CD101: variants seen among roughly 807,000 people sequenced by gnomAD.
The protein encoded by CD101 is immunoglobulin superfamily member 2.
A neutral mutation model predicts 98.2 loss-of-function variants in CD101; 76 were observed. The ratio of observed to expected loss-of-function variants is 0.77; its 90% CI spans 0.64 to 0.94. The LOEUF is 0.94. Ranked by LOEUF, CD101 falls within the 40% of genes least tolerant of loss-of-function variation. The pLI, the probability that CD101 is intolerant of heterozygous loss-of-function variation, is 0.00. For missense variants in CD101, 1,145 were observed against 1,218.8 expected (o/e 0.94, Z 0.90); for synonymous variants, 471 against 472.7 (o/e 1.00, Z 0.05).
At position 117,018,305 on chromosome 1, in the gene CD101, A is replaced by G. The variant is rs200268262; in HGVS notation, c.1762A>G (p.Ile588Val). The G allele has an allele frequency of 1.5e-4, 250 of 1,614,048 alleles. 1 individual carries two copies. The highest frequency in any genetic ancestry group is 6.6e-4 in the Middle Eastern group (4 of 6,084). ...TWQFQPASSHIFHQLIRITHN... is the reference protein window; with the variant it reads ...TWQFQPASSHVFHQLIRITHN... ...GCAGTTCCAGCCAGCTAGCTCTCAC[A>G]TCTTCCACCAGCTTATTCGAATCAC... is the stretch of plus-strand genomic sequence containing the variant. Residue 588 changes from isoleucine to valine, a missense_variant, in exon 6 of 10, where the codon ATC becomes GTC. Ile to Val is a conservative substitution (Grantham distance 29). Transcript: ENST00000682167. This position sits in a 1 kb window ranked among gnomAD's most constrained non-coding sequence, Gnocchi z 4.3.
At position 117,010,085 on chromosome 1, in the gene CD101, C is replaced by T. The variant is rs139310374; in HGVS notation, c.279C>T (p.Asp93=). 2.0e-5 allele frequency: 32 copies of T among 1,614,190 alleles called. No individual in the cohort carries two copies. In the African/African-American group the frequency reaches 3.1e-4, roughly 15 times the overall value. ...AVYTQRVRSG[D]VYVERVQGNS... ...ATACGCAGCGGGTGCGAAGCGGAGA[C>T]GTCTACGTGGAGAGGGTCCAGGGCA... The change falls in exon 2 of 10, where the codon GAC becomes GAT. Residue 93 remains aspartate, a synonymous_variant. Transcript: ENST00000682167. The surrounding 1 kb of genome is among the most constrained non-coding windows in gnomAD (Gnocchi z 5.2).
intron 4 of CD101, 104 bp downstream of exon 4, chr1:117,013,896 GT>G (rs1049781723): frequency 3.4e-5 from 43 of 1,282,008 alleles, no homozygotes; most frequent in Non-Finnish European, 4.4e-5. Flanking sequence ...TGAAGAGCAG[GT>G]TTCAATCAGA....
In CD101 at chr1:117,001,825, G is replaced by A. The variant is rs779243846; in HGVS notation, c.8G>A (p.Gly3Asp). 65 of 1,613,934 alleles carry A rather than the reference G, an allele frequency of 4.0e-5. No homozygotes were observed. The highest frequency in any genetic ancestry group is 5.5e-5 in the Non-Finnish European group (65 of 1,179,962). Reference protein sequence around the residue: MAGISYVASFFLL... With the variant: MADISYVASFFLL... ...AGGACTGTGCTGGCCCAAATGGCAG[G>A]CATCTCATATGTGGCATCTTTCTTT... The change falls in exon 1 of 10, where the codon GGC (glycine) becomes GAC (aspartate). Residue 3 changes from glycine to aspartate, a missense_variant. By Grantham distance (94) the Gly-to-Asp change is moderately conservative. Coordinates refer to ENST00000682167, the MANE Select transcript of CD101 (RefSeq NM_001256106.3).
At chr1:117,031,277 C>G (rs1179331765) in intron 8 of CD101, among the ~76,000 whole-genome samples, 1 of 152,222 alleles carries the variant, frequency 6.6e-6, no homozygotes, top group Non-Finnish European at 1.5e-5. Flanking sequence ...GCCAAGCCCT[C>G]TGGCTGTTCC....
At chr1:117,030,447 A>G (rs1303686188) in intron 8 of CD101, among the ~76,000 whole-genome samples, 2 of 151,604 alleles carry the variant, frequency 1.3e-5, no homozygotes, top group Non-Finnish European at 2.9e-5. Flanking sequence ...AAGAAAGAGA[A>G]AGAAAGAAAA....
chr1:117,033,878 G>T lies in CD101; in HGVS notation c.2843G>T (p.Arg948Met), dbSNP rs780559353. 1.9e-6 allele frequency: 3 copies of T among 1,614,160 alleles called. No individual in the cohort carries two copies. Among genetic ancestry groups the T allele is most frequent in the South Asian group, 2.2e-5 (2 of 91,080 alleles). The change falls in exon 9 of 10, where the codon AGG (arginine) becomes ATG (methionine). Residue 948 changes from arginine to methionine, a missense_variant. Physicochemically the swap from Arg to Met is moderately conservative, Grantham distance 91 (BLOSUM62 -1). Transcript: ENST00000682167. This position sits in a 1 kb window ranked among gnomAD's most constrained non-coding sequence, Gnocchi z 4.8. ...GTTGCAGAGCCCACGCTTCCTTCCA[G>T]GATCTGCTCCTCGGCCCCTTTACTC... ...VLPSEPTLPS[R>M]ICSSAPLLYF...
At chr1:117,032,489 G>C (rs1654523274) in intron 8 of CD101, 1 of 152,230 alleles carries the variant, frequency 6.6e-6, no homozygotes, top group Non-Finnish European at 1.5e-5. Context: ...CGTCGGCAAT[G>C]CCAAAAATGG....
At position 117,010,074 on chromosome 1, in the gene CD101, C is replaced by A. The variant is rs148124881; in HGVS notation, c.268C>A (p.Arg90=). Residue 90 remains arginine, a synonymous_variant, in exon 2 of 10, where the codon CGA becomes AGA. Transcript: ENST00000682167. This position sits in a 1 kb window ranked among gnomAD's most constrained non-coding sequence, Gnocchi z 5.2. ...TTACGCAGTATATACGCAGCGGGTG[C>A]GAAGCGGAGACGTCTACGTGGAGAG... The part of the protein sequence containing the change: ...FSYAVYTQRV[R]SGDVYVERVQ... The A allele has an allele frequency of 4.3e-6, 7 of 1,614,164 alleles. No homozygotes were observed. The highest frequency in any genetic ancestry group is 1.3e-5 in the African/African-American group (1 of 75,040).
chr1:117,029,217 G>GA (rs1553188342), intron 8 of CD101, among the ~76,000 whole-genome samples: 4 of 21,660 alleles, frequency 1.8e-4, no homozygotes, highest in South Asian at 3.4e-3. Flanking sequence ...AGAAAGAAAA[G>GA]AAAGAAAGAA....
At chr1:117,035,006 G>A (rs1408195235) in intron 9 of CD101, among the ~76,000 whole-genome samples, 1 of 152,154 alleles carries the variant, frequency 6.6e-6, no homozygotes. Context: ...TCCCTCATAC[G>A]CCTGCAGGGC....
rs772130268 is a variant in CD101, at chr1:117,022,616, A to T, written c.2428+633A>T. ...GTTAGGTCACTTCCAGTGTTGATTA[A>T]AATTAAATGAATGTCACAGCCAAGG... On this transcript the variant is annotated intron_variant, in intron 7 of 9. Coordinates refer to ENST00000682167, the MANE Select transcript of CD101 (RefSeq NM_001256106.3). This position sits in a 1 kb window ranked among gnomAD's most constrained non-coding sequence, Gnocchi z 4.8. Among the ~76,000 whole-genome samples the T allele has an allele frequency of 2.0e-5, 3 of 152,176 alleles. No individual in the cohort carries two copies. Among genetic ancestry groups the T allele is most frequent in the African/African-American group, 7.2e-5 (3 of 41,446 alleles).
chr1:117,017,441 C>T lies in CD101; in HGVS notation c.1580C>T (p.Thr527Ile), dbSNP rs368083007. 1 of 1,612,678 alleles carries T rather than the reference C, an allele frequency of 6.2e-7. No homozygotes were observed. Among genetic ancestry groups the T allele is most frequent in the African/African-American group, 1.3e-5 (1 of 74,894 alleles). The change falls in exon 5 of 10, where the codon ACT becomes ATT. Residue 527 changes from threonine to isoleucine, a missense_variant. Physicochemically the swap from Thr to Ile is moderately conservative, Grantham distance 89. Coordinates refer to ENST00000682167, the MANE Select transcript of CD101 (RefSeq NM_001256106.3). ...SRNQARDLSW[T>I]QKISVTVKSL... Reference sequence around the variant, plus strand: ...AACCAGGCCAGAGATCTGAGCTGGACTCAGAAGATTTCAGTTACTGTAAAG... The same window carrying T: ...AACCAGGCCAGAGATCTGAGCTGGATTCAGAAGATTTCAGTTACTGTAAAG...
intron 3 of CD101, 140 bp from the exon 4 acceptor site, chr1:117,013,266 T>C (rs917252873): frequency 1.9e-5 from 20 of 1,035,114 alleles, no homozygotes; most frequent in Middle Eastern, 2.9e-4. Flanking sequence ...TTTTTTTGGG[T>C]TTACCTACCG....
At chr1:117,014,680 T>A (rs571826085) in intron 4 of CD101, among the ~76,000 whole-genome samples, 9 of 151,956 alleles carry the variant, frequency 5.9e-5, no homozygotes, top group South Asian at 4.2e-4. Flanking sequence ...CCAAAAAAAA[T>A]TTTTTTTAAT....
chr1:117,026,585 A>C (rs540148167), intron 8 of CD101: 2 of 152,334 alleles, frequency 1.3e-5, no homozygotes, highest in East Asian at 3.9e-4. Flanking sequence ...CACATTCCGT[A>C]CATGTTTTCC....
At position 117,033,692 on chromosome 1, in the gene CD101, C is replaced by T. The variant is rs1654608801; in HGVS notation, c.2825-168C>T. On this transcript the variant is annotated intron_variant, in intron 8 of 9. Transcript: ENST00000682167. The surrounding 1 kb of genome is among the most constrained non-coding windows in gnomAD (Gnocchi z 4.8). ...AGAGCCTGTTCCAGGAGCTCTCTTC[C>T]CCCAGTGCTCTGTCCTGTGCTCCTC... Among the ~76,000 whole-genome samples, 2 of 152,132 alleles carry T rather than the reference C, an allele frequency of 1.3e-5. No homozygotes were observed. Among genetic ancestry groups the T allele is most frequent in the South Asian group, 4.1e-4 (2 of 4,828 alleles).
chr1:117,009,798 G>A (rs1652765757), intron 1 of CD101, 52 bp from the exon 2 acceptor site: 1 of 1,532,812 alleles, frequency 6.5e-7, no homozygotes, highest in African/African-American at 1.4e-5. Context: ...GGTACACTGG[G>A]AACTGGAACA....
At chr1:117,025,182 G>A (rs1350837189) in intron 7 of CD101, among the ~76,000 whole-genome samples, 2 of 152,150 alleles carry the variant, frequency 1.3e-5, no homozygotes, top group East Asian at 1.9e-4. Context: ...GGCCAACATG[G>A]TGAAACCCCG....
rs368181661 is a variant in CD101, at chr1:117,018,469, A to G, written c.1926A>G (p.Val642=). 6.2e-7 allele frequency: 1 copy of G among 1,614,218 alleles called. No individual in the cohort carries two copies. The highest frequency in any genetic ancestry group is 8.5e-7 in the Non-Finnish European group (1 of 1,180,024). Residue 642 remains valine (V), a synonymous_variant, in exon 6 of 10, where the codon GTA becomes GTG. Coordinates refer to ENST00000682167, the MANE Select transcript of CD101 (RefSeq NM_001256106.3). This position sits in a 1 kb window ranked among gnomAD's most constrained non-coding sequence, Gnocchi z 4.3. The part of the protein sequence containing the change: ...EEETGVYQCE[V]EVYDRNSLYN... ...AGACAGGAGTGTATCAGTGTGAAGT[A>G]GAAGTTTATGACAGAAATTCCCTAT... is the stretch of plus-strand genomic sequence containing the variant.
Sources: gnomAD v4.1 joint callset for allele counts (sites outside exome capture counted in the v4.1 genomes callset) on GRCh38, gnomAD v4.1.1 for gene constraint, Gnocchi (gnomAD v3.1) non-coding constraint, MANE v1.5 for transcripts, NCBI Gene and HGNC (gene_info 2026-07-23, HGNC 2026-07-21) for gene names.